The following HS3ST5 variants were observed in gnomAD, a reference collection of about 807,000 sequenced individuals.
HS3ST5 encodes heparan sulfate glucosamine 3-O-sulfotransferase 5.
In HS3ST5, 10 loss-of-function variants were observed where a neutral mutation model predicts 25.4. The observed-to-expected ratio is 0.39, with a 90% confidence interval of 0.24 to 0.67. The LOEUF is 0.67. Among genes scored for constraint, HS3ST5 ranks in the 30% least tolerant of loss-of-function variants. The probability of loss-of-function intolerance (pLI) is 0.44; values close to 1 mark genes in which losing one functional copy is unlikely to be tolerated. For synonymous variants in HS3ST5, 170 were observed against 162.4 expected (o/e 1.05, Z -0.36); for missense variants, 324 against 420.7 (o/e 0.77, Z 2.01).
intron 2 of HS3ST5, among the ~76,000 whole-genome samples, chr6:114,214,908 T>C (rs1441915350): frequency 6.6e-6 from 1 of 152,184 alleles, no homozygotes; most frequent in African/African-American, 2.4e-5. Context: ...AGACCTCATG[T>C]ATCCTGTGAC....
intron 2 of HS3ST5, among the ~76,000 whole-genome samples, chr6:114,197,597 A>G (rs1323486339): frequency 6.6e-6 from 1 of 152,120 alleles, no homozygotes; most frequent in East Asian, 1.9e-4. Context: ...TGAATATAGT[A>G]CCCAACAGGA....
intron 2 of HS3ST5, among the ~76,000 whole-genome samples, chr6:114,210,454 G>A (rs1426519599): frequency 1.3e-5 from 2 of 152,136 alleles, no homozygotes; most frequent in Non-Finnish European, 2.9e-5. Flanking sequence ...CTTAAGCAGC[G>A]GCAATGTGAA....
chr6:114,096,432 T>G (rs1391578536), intron 3 of HS3ST5, among the ~76,000 whole-genome samples: 1 of 152,180 alleles, frequency 6.6e-6, no homozygotes, highest in Non-Finnish European at 1.5e-5. Context: ...CGTAGGACTT[T>G]TTTTCCCCAT....
At chr6:114,074,124 T>C (rs1773984800) in intron 3 of HS3ST5, among the ~76,000 whole-genome samples, 1 of 151,746 alleles carries the variant, frequency 6.6e-6, no homozygotes, top group South Asian at 2.1e-4. Flanking sequence ...GAGGGGAACA[T>C]CACACACCAT....
intron 3 of HS3ST5, chr6:114,084,531 C>T: frequency 2.6e-6 from 2 of 759,340 alleles, no homozygotes; most frequent in Middle Eastern, 3.3e-4. Flanking sequence ...CCGGCGTCCA[C>T]CGCATCACAC....
At chr6:114,233,403 T>G (rs1582743049) in intron 1 of HS3ST5, among the ~76,000 whole-genome samples, 2 of 152,230 alleles carry the variant, frequency 1.3e-5, no homozygotes, top group South Asian at 4.1e-4. Flanking sequence ...CAATGGCTAG[T>G]TTACCACTTT....
chr6:114,099,144 A>C (rs1402695816), intron 3 of HS3ST5, among the ~76,000 whole-genome samples: 1 of 152,190 alleles, frequency 6.6e-6, no homozygotes, highest in Non-Finnish European at 1.5e-5. Flanking sequence ...TCCATGCTGC[A>C]GAAAATAGCC....
At chr6:114,188,861 C>T (rs1296794598) in intron 2 of HS3ST5, among the ~76,000 whole-genome samples, 3 of 152,226 alleles carry the variant, frequency 2.0e-5, no homozygotes, top group Non-Finnish European at 4.4e-5. Flanking sequence ...AGTCACATAG[C>T]ATTAGGTTTT....
rs62415805 is a variant in HS3ST5, at chr6:114,195,262, A to C, written c.-144-26800T>G. 3.2e-3 allele frequency among the ~76,000 whole-genome samples: 482 copies of C among 152,266 alleles called. 2 individuals carry two copies. Among genetic ancestry groups the C allele is most frequent in the Non-Finnish European group, 5.3e-3 (361 of 68,012 alleles). ...TAGGTCAGGCCATCTGAGAAAGGGA[A>C]AAATGATCATTTTGGTGAAGGGAAG... On this transcript the variant is annotated intron_variant, in intron 2 of 4. Transcript: ENST00000312719.
intron 3 of HS3ST5, among the ~76,000 whole-genome samples, chr6:114,148,867 T>C (rs1778302733): frequency 6.6e-6 from 1 of 152,092 alleles, no homozygotes; most frequent in Non-Finnish European, 1.5e-5. Flanking sequence ...ATCCAGAATC[T>C]ACAAGGAACT....
chr6:114,141,217 A>C (rs1429837782), intron 3 of HS3ST5, among the ~76,000 whole-genome samples: 1 of 152,210 alleles, frequency 6.6e-6, no homozygotes, highest in African/African-American at 2.4e-5. Flanking sequence ...TCTAAATTGG[A>C]TCCTTTTCTC....
At chr6:114,277,717 T>C (rs779966038) in intron 1 of HS3ST5, among the ~76,000 whole-genome samples, 2 of 151,910 alleles carry the variant, frequency 1.3e-5, no homozygotes, top group Non-Finnish European at 2.9e-5. Context: ...CGTACTTGAG[T>C]ACACATGTGG....
intron 4 of HS3ST5, chr6:114,059,592 T>C (rs900196504): frequency 6.6e-6 from 1 of 152,174 alleles, no homozygotes; most frequent in African/African-American, 2.4e-5. Context: ...CCCCTTGTTT[T>C]CATGATAGTG....
intron 3 of HS3ST5, among the ~76,000 whole-genome samples, chr6:114,090,305 T>C (rs951719422): frequency 6.6e-6 from 1 of 152,206 alleles, no homozygotes; most frequent in African/African-American, 2.4e-5. Flanking sequence ...ATCTGGTTTA[T>C]TAGTATACTT....
intron 2 of HS3ST5, among the ~76,000 whole-genome samples, chr6:114,177,821 T>C (rs563637204): frequency 7.2e-5 from 11 of 152,334 alleles, no homozygotes; most frequent in Non-Finnish European, 1.3e-4. Context: ...TTATACCTTT[T>C]CCATGATCCA....
At chr6:114,167,420 T>C (rs879928490) in intron 3 of HS3ST5, 6 of 152,306 alleles carry the variant, frequency 3.9e-5, no homozygotes, top group East Asian at 1.9e-4. Context: ...GTTTAATGTG[T>C]GTCAGATACT....
At chr6:114,194,414 A>G (rs1274777216) in intron 2 of HS3ST5, among the ~76,000 whole-genome samples, 1 of 152,152 alleles carries the variant, frequency 6.6e-6, no homozygotes, top group African/African-American at 2.4e-5. Flanking sequence ...GGTCGGACAC[A>G]CTTTGTCACG....
chr6:114,086,060 G>A (rs1774800194), intron 3 of HS3ST5, among the ~76,000 whole-genome samples: 1 of 149,754 alleles, frequency 6.7e-6, no homozygotes, highest in Non-Finnish European at 1.5e-5. Context: ...CAGTTTACAG[G>A]AAAAAAAACG....
At chr6:114,211,229 G>T (rs954907729) in intron 2 of HS3ST5, among the ~76,000 whole-genome samples, 2 of 152,140 alleles carry the variant, frequency 1.3e-5, no homozygotes, top group Non-Finnish European at 2.9e-5. Context: ...TTTCATATAT[G>T]TTTTTCTTTC....
Sources: allele counts gnomAD v4.1 joint callset (sites outside exome capture counted in the v4.1 genomes callset), GRCh38; gene constraint gnomAD v4.1.1; transcripts MANE v1.5; gene names NCBI Gene and HGNC (gene_info 2026-07-23, HGNC 2026-07-21).